SOX5: variants seen among roughly 807,000 people sequenced by gnomAD.
SOX5 encodes transcription factor SOX-5.
Under a neutral mutation model 92.0 loss-of-function variants are expected in SOX5, and 9 were observed. The observed-to-expected ratio is 0.10, with a 90% CI of 0.06 to 0.17. The LOEUF (loss-of-function observed/expected upper bound fraction) is 0.17, where lower values mean the gene tolerates loss of function less well. SOX5 is among the 10% of genes least tolerant of loss of function. SOX5 has a pLI of 1.00. For missense variants in SOX5, 642 were observed against 944.5 expected (o/e 0.68, Z 4.20); for synonymous variants, 344 against 336.3 (o/e 1.02, Z -0.25).
chr12:24,435,696 C>T (rs1939278980), intron 1 of SOX5, among the ~76,000 whole-genome samples: 2 of 152,184 alleles, frequency 1.3e-5, no homozygotes, highest in South Asian at 4.1e-4. Flanking sequence ...ATGAATAATA[C>T]ACAAGCCATA....
intron 3 of SOX5, among the ~76,000 whole-genome samples, chr12:24,262,973 G>A (rs937057579): frequency 6.6e-6 from 1 of 152,152 alleles, no homozygotes; most frequent in Non-Finnish European, 1.5e-5. Context: ...TGTAATCCCA[G>A]CACTCTGGGA....
chr12:23,626,957 G>A (rs972466026), intron 8 of SOX5, among the ~76,000 whole-genome samples: 12 of 151,970 alleles, frequency 7.9e-5, no homozygotes, highest in East Asian at 1.9e-4. Context: ...ACGGAACACC[G>A]GGCATAAATG....
At chr12:23,966,924 T>G (rs10771046) in intron 4 of SOX5, among the ~76,000 whole-genome samples, 95,104 of 151,882 alleles carry the variant, frequency 0.63, 29,988 homozygotes, top group East Asian at 0.83. Flanking sequence ...CCTCTTTCAA[T>G]AAGACTACTC....
chr12:23,536,407 T>A, intron 14 of SOX5, 46 bp downstream of exon 14: 1 of 1,418,426 alleles, frequency 7.1e-7, no homozygotes, highest in East Asian at 2.3e-5. Context: ...CCATTAAGTA[T>A]AACAGGAAGT....
chr12:23,745,894 C>T (rs1006754683), intron 4 of SOX5, among the ~76,000 whole-genome samples: 1 of 152,152 alleles, frequency 6.6e-6, no homozygotes, highest in Non-Finnish European at 1.5e-5. Flanking sequence ...TTTCTATCCT[C>T]ATTATCTACT....
chr12:23,612,939 T>G (rs2076139361), intron 8 of SOX5, among the ~76,000 whole-genome samples: 1 of 152,152 alleles, frequency 6.6e-6, no homozygotes, highest in African/African-American at 2.4e-5. Flanking sequence ...GGAGAAAATC[T>G]TTCAAAACAC....
At chr12:23,850,103 T>G (rs1278200650) in intron 2 of SOX5, among the ~76,000 whole-genome samples, 1 of 152,134 alleles carries the variant, frequency 6.6e-6, no homozygotes, top group Admixed American at 6.6e-5. Context: ...CATAGTCATG[T>G]TCCTCTTCCA....
intron 3 of SOX5, among the ~76,000 whole-genome samples, chr12:23,772,116 T>C (rs1443922640): frequency 1.3e-5 from 2 of 152,198 alleles, no homozygotes; most frequent in East Asian, 3.8e-4. Flanking sequence ...TCAAGTACTT[T>C]TCCTAAATAT....
At chr12:23,968,105 C>A (rs144762758) in intron 4 of SOX5, among the ~76,000 whole-genome samples, 6 of 152,116 alleles carry the variant, frequency 3.9e-5, no homozygotes, top group African/African-American at 1.4e-4. Context: ...ATAGTTGATG[C>A]CAGAATGCGG....
intron 9 of SOX5, among the ~76,000 whole-genome samples, chr12:23,576,189 G>GC (rs1555171570): frequency 1.3e-5 from 2 of 149,342 alleles, no homozygotes; most frequent in Non-Finnish European, 3.0e-5. Context: ...ATGTAGGTAG[G>GC]TTTTTTTTTT....
intron 1 of SOX5, among the ~76,000 whole-genome samples, chr12:24,552,187 T>C (rs2138965107): frequency 6.6e-6 from 1 of 152,340 alleles, no homozygotes. Flanking sequence ...TTAAATTTTA[T>C]TTTAGAACTC....
chr12:24,093,669 T>C (rs12304055), intron 4 of SOX5, among the ~76,000 whole-genome samples: 5,423 of 151,172 alleles, frequency 0.036, 365 homozygotes, highest in African/African-American at 0.12. Flanking sequence ...ATTTCTTGTC[T>C]GTTGAAAATA....
chr12:23,659,072 G>T (rs935025854), intron 7 of SOX5, among the ~76,000 whole-genome samples: 6 of 152,048 alleles, frequency 3.9e-5, no homozygotes, highest in South Asian at 2.1e-4. Flanking sequence ...TGTGATTTTT[G>T]ATTGTTTTAG....
intron 1 of SOX5, among the ~76,000 whole-genome samples, chr12:24,475,298 A>G (rs1945243115): frequency 6.6e-6 from 1 of 152,228 alleles, no homozygotes; most frequent in African/African-American, 2.4e-5. Flanking sequence ...TGAGTATATC[A>G]AGATTTAGTA....
At chr12:23,658,422 T>A (rs977231946) in intron 7 of SOX5, among the ~76,000 whole-genome samples, 2 of 152,170 alleles carry the variant, frequency 1.3e-5, no homozygotes, top group Non-Finnish European at 2.9e-5. Context: ...TGTAACTACC[T>A]CAAAAGGGAA....
At chr12:24,267,924 A>T (rs1269772513) in intron 3 of SOX5, among the ~76,000 whole-genome samples, 1 of 152,168 alleles carries the variant, frequency 6.6e-6, no homozygotes, top group African/African-American at 2.4e-5. Context: ...ACATATTTTT[A>T]ATCAATGAGG....
chr12:23,848,689 C>G (rs186406161), intron 2 of SOX5, among the ~76,000 whole-genome samples: 1 of 152,288 alleles, frequency 6.6e-6, no homozygotes, highest in East Asian at 1.9e-4. Flanking sequence ...CCATGTGTCA[C>G]TTCACTTTGC....
chr12:24,014,062 C>A (rs1953280568), intron 4 of SOX5, among the ~76,000 whole-genome samples: 1 of 152,108 alleles, frequency 6.6e-6, no homozygotes, highest in South Asian at 2.1e-4. Flanking sequence ...AACCTGAGAA[C>A]CCTTCGTGAC....
At chr12:23,916,296 C>A (rs1053635706) in intron 1 of SOX5, among the ~76,000 whole-genome samples, 1 of 152,010 alleles carries the variant, frequency 6.6e-6, no homozygotes, top group South Asian at 2.1e-4. Flanking sequence ...CGCACACAAT[C>A]CAAGAGAAAA....
Sources: gnomAD v4.1 joint callset for allele counts (sites outside exome capture counted in the v4.1 genomes callset) on GRCh38, gnomAD v4.1.1 for gene constraint, MANE v1.5 for transcripts, NCBI Gene and HGNC (gene_info 2026-07-23, HGNC 2026-07-21) for gene names.